Variants in MYT1L observed in about 807,000 individuals in gnomAD.
The protein encoded by MYT1L is myelin transcription factor 1-like protein.
Under a neutral mutation model 126.7 loss-of-function variants are expected in MYT1L, and 12 were observed. The ratio of observed to expected loss-of-function variants is 0.09; its 90% CI spans 0.06 to 0.15. The LOEUF is 0.15. Ranked by LOEUF, MYT1L falls within the 10% of genes least tolerant of loss-of-function variation. MYT1L has a pLI of 1.00. For synonymous variants in MYT1L, 541 were observed against 604.2 expected (o/e 0.90, Z 1.53); for missense variants, 979 against 1,585.2 (o/e 0.62, Z 6.49).
At chr2:1,961,628 T>C (rs1284113759) in intron 8 of MYT1L, among the ~76,000 whole-genome samples, 1 of 152,244 alleles carries the variant, frequency 6.6e-6, no homozygotes, top group African/African-American at 2.4e-5. Flanking sequence ...CCCAGGCTCT[T>C]GCTACACAAA....
chr2:1,811,042 G>T lies in MYT1L; in HGVS notation c.3081-1875C>A, dbSNP rs1317261447. The T allele has an allele frequency of 6.6e-6, 1 of 152,170 alleles. No individual in the cohort carries two copies. Among genetic ancestry groups the T allele is most frequent in the Non-Finnish European group, 1.5e-5 (1 of 68,042 alleles). The allele number at this position is 152,170 out of a possible 1,614,324, so 9.4% of individuals were successfully genotyped here. A position where few individuals can be genotyped will look rare whatever the true frequency, so the allele number is the denominator to read the frequency against. On this transcript the variant is annotated intron_variant, in intron 21 of 24. Coordinates refer to ENST00000647738, the MANE Select transcript of MYT1L (RefSeq NM_001303052.2). This position sits in a 1 kb window ranked among gnomAD's most constrained non-coding sequence, Gnocchi z 4.4. ...TGCCCTTATAACAGGGACCCAGACA[G>T]CTCCTTAACCCCTTCTCCCATGTGA...
chr2:2,324,464 G>A (rs889762396), intron 1 of MYT1L: 3 of 152,574 alleles, frequency 2.0e-5, no homozygotes, highest in Non-Finnish European at 4.4e-5. Context: ...CCAGGCAAGG[G>A]GCCACTTCTC....
intron 3 of MYT1L, among the ~76,000 whole-genome samples, chr2:2,163,849 T>G (rs557986953): frequency 1.3e-5 from 2 of 152,238 alleles, no homozygotes; most frequent in Admixed American, 1.3e-4. Flanking sequence ...CAGGAAATTG[T>G]TAGTGGTCCA....
At chr2:2,045,575 ATTTAT>A (rs1384746578) in intron 4 of MYT1L, among the ~76,000 whole-genome samples, 1 of 152,128 alleles carries the variant, frequency 6.6e-6, no homozygotes, top group Non-Finnish European at 1.5e-5. Context: ...CTCATATTTT[ATTTAT>A]TTTTTCTTAA....
At chr2:2,003,869 C>G (rs552837095) in intron 4 of MYT1L, among the ~76,000 whole-genome samples, 30 of 152,292 alleles carry the variant, frequency 2.0e-4, no homozygotes, top group Admixed American at 1.9e-3. Flanking sequence ...CCTCAGTGCA[C>G]CATGCTTCCT....
chr2:2,076,820 AC>A, intron 3 of MYT1L, among the ~76,000 whole-genome samples: 1 of 152,110 alleles, frequency 6.6e-6, no homozygotes, highest in African/African-American at 2.4e-5. Context: ...ACACACACAC[AC>A]ACGAGAGAAA....
intron 11 of MYT1L, among the ~76,000 whole-genome samples, chr2:1,915,287 C>T (rs1003584132): frequency 6.6e-6 from 1 of 152,188 alleles, no homozygotes; most frequent in Non-Finnish European, 1.5e-5. Flanking sequence ...AAGAATCGCA[C>T]AGGAGCAAAG....
chr2:1,937,479 G>A (rs995475238), intron 9 of MYT1L, among the ~76,000 whole-genome samples: 1 of 149,212 alleles, frequency 6.7e-6, no homozygotes, highest in Admixed American at 6.7e-5. Flanking sequence ...ATCGTACGTC[G>A]AGAAGGCCCT....
chr2:1,839,909 CT>C (rs1484599199), intron 20 of MYT1L, among the ~76,000 whole-genome samples: 12 of 152,160 alleles, frequency 7.9e-5, no homozygotes. Context: ...ATGAAGTCTC[CT>C]GGAATCGGGC....
intron 3 of MYT1L, among the ~76,000 whole-genome samples, chr2:2,138,783 A>G (rs1486476305): frequency 6.7e-6 from 1 of 149,986 alleles, no homozygotes; most frequent in Non-Finnish European, 1.5e-5. Flanking sequence ...AGCATGGCAC[A>G]TGTATACATA....
intron 5 of MYT1L, among the ~76,000 whole-genome samples, chr2:1,986,460 A>C (rs901221534): frequency 6.6e-6 from 1 of 152,188 alleles, no homozygotes; most frequent in Admixed American, 6.5e-5. Context: ...TCCTCCCATC[A>C]TGTTTGAGCC....
chr2:1,806,038 C>T lies in MYT1L; in HGVS notation c.3172+3038G>A, dbSNP rs2147955662. ...AGGAATTGGATGCTGTGCCTCTGTC[C>T]CCTGAAGAGCCGCAGGAATTGGATG... is the stretch of plus-strand genomic sequence containing the variant. On this transcript the variant is annotated intron_variant, in intron 22 of 24. Transcript: ENST00000647738. This position sits in a 1 kb window ranked among gnomAD's most constrained non-coding sequence, Gnocchi z 4.9. Among the ~76,000 whole-genome samples the T allele has an allele frequency of 7.2e-6, 1 of 139,252 alleles. No homozygotes were observed. The highest frequency in any genetic ancestry group is 3.8e-3 in the Middle Eastern group (1 of 264). 91.4% of individuals were successfully genotyped at this position (139,252 alleles called of 152,430 possible). A position where few individuals can be genotyped will look rare whatever the true frequency, so the allele number is the denominator to read the frequency against.
intron 4 of MYT1L, among the ~76,000 whole-genome samples, chr2:2,014,430 G>A (rs1423122439): frequency 6.6e-6 from 1 of 152,184 alleles, no homozygotes; most frequent in Non-Finnish European, 1.5e-5. Context: ...CGGTCATCCT[G>A]GGAGAGAACT....
At chr2:2,060,921 C>T (rs2070375230) in intron 3 of MYT1L, among the ~76,000 whole-genome samples, 1 of 151,190 alleles carries the variant, frequency 6.6e-6, no homozygotes, top group South Asian at 2.1e-4. Context: ...GACAACATTC[C>T]AGGCTGATAT....
At chr2:1,823,414 A>C (rs904964884) in intron 21 of MYT1L, among the ~76,000 whole-genome samples, 10 of 152,194 alleles carry the variant, frequency 6.6e-5, no homozygotes, top group African/African-American at 2.4e-4. Context: ...GGTCCACCCT[A>C]TCTGGCTCAG....
intron 3 of MYT1L, among the ~76,000 whole-genome samples, chr2:2,166,631 T>C (rs2089170727): frequency 6.6e-6 from 1 of 152,228 alleles, no homozygotes; most frequent in Non-Finnish European, 1.5e-5. Flanking sequence ...ATACATTAGA[T>C]TGGTTATGGG....
At chr2:1,994,200 T>C (rs2061651710) in intron 5 of MYT1L, among the ~76,000 whole-genome samples, 2 of 152,340 alleles carry the variant, frequency 1.3e-5, no homozygotes, top group Middle Eastern at 3.4e-3. Flanking sequence ...CATTTTGGGG[T>C]GAGTGGCCGA....
At chr2:2,193,764 T>G (rs2092690560) in intron 2 of MYT1L, among the ~76,000 whole-genome samples, 1 of 152,256 alleles carries the variant, frequency 6.6e-6, no homozygotes, top group Admixed American at 6.5e-5. Flanking sequence ...AGATTACTAC[T>G]TGGATCAGGA....
chr2:2,246,057 A>T (rs1434416578), intron 2 of MYT1L, among the ~76,000 whole-genome samples: 1 of 152,108 alleles, frequency 6.6e-6, no homozygotes, highest in Non-Finnish European at 1.5e-5. Flanking sequence ...TCTTTCAACC[A>T]CTGTGTTTGT....
Sources: gnomAD v4.1 joint callset for allele counts (sites outside exome capture counted in the v4.1 genomes callset) on GRCh38, gnomAD v4.1.1 for gene constraint, Gnocchi (gnomAD v3.1) non-coding constraint, MANE v1.5 for transcripts, NCBI Gene and HGNC (gene_info 2026-07-23, HGNC 2026-07-21) for gene names.